CCDC7: variants seen among roughly 807,000 people sequenced by gnomAD.
CCDC7 encodes coiled-coil domain-containing protein 7.
CCDC7 carries 183 observed loss-of-function variants against 196.9 expected under a neutral mutation model. The observed-to-expected ratio is 0.93, with a 90% CI of 0.82 to 1.05. The LOEUF is 1.05. Among genes scored for constraint, CCDC7 ranks in the 50% least tolerant of loss-of-function variants. The pLI, the probability that CCDC7 is intolerant of heterozygous loss-of-function variation, is 0.00. For synonymous variants in CCDC7, 525 were observed against 484.6 expected (o/e 1.08, Z -1.10); for missense variants, 1,540 against 1,482.2 (o/e 1.04, Z -0.64).
intron 30 of CCDC7, among the ~76,000 whole-genome samples, chr10:32,806,234 CAAT>C (rs1319496689): frequency 6.6e-6 from 1 of 151,976 alleles, no homozygotes; most frequent in East Asian, 1.9e-4. Flanking sequence ...AATAAGCAAA[CAAT>C]AATAACATAC....
rs1424541399 is a variant in CCDC7, at chr10:32,685,849, T to C, written c.2123-121T>C. On this transcript the variant is annotated intron_variant, in intron 21 of 41. Coordinates refer to ENST00000639629, the Ensembl canonical transcript of CCDC7. The stretch of plus-strand genomic sequence containing the variant: ...CAAATCTATTATTATTGTAATTTAG[T>C]TATAACTTTGTAGAAGTGACTGAGA... 45 of 591,364 alleles carry C rather than the reference T, an allele frequency of 7.6e-5. No homozygotes were observed. The East Asian group carries it at 1.5e-3, about 19-fold the overall frequency. The allele number at this position is 591,364 out of a possible 1,614,324, so 36.6% of individuals were successfully genotyped here.
intron 24 of CCDC7, among the ~76,000 whole-genome samples, chr10:32,711,362 T>C (rs1381459241): frequency 6.6e-6 from 1 of 152,088 alleles, no homozygotes; most frequent in East Asian, 1.9e-4. Context: ...TAACCTAAAG[T>C]ATAAATAACT....
At chr10:32,700,499 G>T (rs1222851221) in intron 24 of CCDC7, among the ~76,000 whole-genome samples, 1 of 152,098 alleles carries the variant, frequency 6.6e-6, no homozygotes, top group Non-Finnish European at 1.5e-5. Context: ...GATGCCTCCA[G>T]CTTTGTTCTT....
intron 14 of CCDC7, 119 bp downstream of exon 15, chr10:32,565,739 G>A (rs1980248): frequency 0.099 from 107,597 of 1,086,506 alleles, 6,343 homozygotes; most frequent in African/African-American, 0.22. Flanking sequence ...CTACTATTTG[G>A]CTAGGTTTAA....
At chr10:32,463,116 A>C in intron 5 of CCDC7, 67 bp downstream of exon 6, 1 of 1,583,794 alleles carries the variant, frequency 6.3e-7, no homozygotes, top group East Asian at 2.3e-5. Flanking sequence ...AATTTGGATT[A>C]TGTATAAGTT....
chr10:32,660,139 T>C (rs553775920), intron 20 of CCDC7, among the ~76,000 whole-genome samples: 4 of 151,954 alleles, frequency 2.6e-5, no homozygotes, highest in Admixed American at 6.6e-5. Context: ...TTTTTTAATA[T>C]TATACTTTAA....
intron 31 of CCDC7, among the ~76,000 whole-genome samples, chr10:32,817,306 A>G (rs1487274596): frequency 6.6e-6 from 1 of 152,146 alleles, no homozygotes; most frequent in Admixed American, 6.6e-5. Flanking sequence ...AAAAAGAAAC[A>G]AACAAAGCCT....
chr10:32,814,320 G>A (rs768837326), intron 30 of CCDC7, 50 bp from the exon 32 acceptor site: 1 of 1,220,986 alleles, frequency 8.2e-7, no homozygotes, highest in Non-Finnish European at 1.2e-6. Flanking sequence ...TGTCACATTT[G>A]TGTATAAATG....
chr10:32,597,197 A>G (rs900478998), intron 18 of CCDC7, among the ~76,000 whole-genome samples: 1 of 152,132 alleles, frequency 6.6e-6, no homozygotes, highest in Non-Finnish European at 1.5e-5. Flanking sequence ...ACATAGTCCC[A>G]TATTTCTTGG....
chr10:32,754,472 A>T (rs1473898981), intron 28 of CCDC7, among the ~76,000 whole-genome samples: 4 of 152,188 alleles, frequency 2.6e-5, no homozygotes, highest in Non-Finnish European at 4.4e-5. Flanking sequence ...TCCAATCAAA[A>T]TACCAGTGGT....
intron 13 of CCDC7, among the ~76,000 whole-genome samples, chr10:32,561,049 C>CA (rs139578472): frequency 0.92 from 140,394 of 152,080 alleles, 65,796 homozygotes; most frequent in East Asian, 1. Flanking sequence ...GACTTTAAAC[C>CA]ACAAAGATCA....
intron 18 of CCDC7, among the ~76,000 whole-genome samples, chr10:32,597,972 A>C (rs1590349489): frequency 6.6e-6 from 1 of 152,212 alleles, no homozygotes; most frequent in African/African-American, 2.4e-5. Flanking sequence ...TTGAGGAGGC[A>C]GTCTGTCCGT....
intron 13 of CCDC7, among the ~76,000 whole-genome samples, chr10:32,544,932 A>T (rs1430436825): frequency 2.0e-5 from 3 of 152,202 alleles, no homozygotes; most frequent in Non-Finnish European, 2.9e-5. Flanking sequence ...TAAATACAAA[A>T]TTAAGAAAGA....
chr10:32,461,707 GTGTA>G (rs1256495514), intron 3 of CCDC7, among the ~76,000 whole-genome samples: 22 of 27,778 alleles, frequency 7.9e-4, no homozygotes, highest in African/African-American at 2.2e-3. Flanking sequence ...GTGTGTGTGT[GTGTA>G]TATATATATA....
At chr10:32,714,895 C>T (rs2081356909) in intron 25 of CCDC7, among the ~76,000 whole-genome samples, 2 of 152,212 alleles carry the variant, frequency 1.3e-5, no homozygotes, top group South Asian at 4.1e-4. Context: ...GCAGTAGCCC[C>T]AGCCAGGGGC....
chr10:32,732,302 A>T (rs552271236), intron 28 of CCDC7, among the ~76,000 whole-genome samples: 152 of 152,298 alleles, frequency 1.0e-3, no homozygotes, highest in African/African-American at 3.5e-3. Context: ...AATTATAATC[A>T]TTAAGAATAT....
At chr10:32,541,028 T>C (rs191069039) in intron 11 of CCDC7, among the ~76,000 whole-genome samples, 6 of 150,480 alleles carry the variant, frequency 4.0e-5, no homozygotes, top group Admixed American at 3.4e-4. Context: ...ATTTGACCTC[T>C]ACCTAACCCC....
At chr10:32,620,589 C>A (rs746896878) in intron 18 of CCDC7, among the ~76,000 whole-genome samples, 3 of 151,192 alleles carry the variant, frequency 2.0e-5, no homozygotes, top group Non-Finnish European at 4.4e-5. Flanking sequence ...ATGTTTTAAT[C>A]TTCCTACATA....
intron 41 of CCDC7, among the ~76,000 whole-genome samples, chr10:32,865,429 ACAC>A (rs2094168310): frequency 7.3e-6 from 1 of 137,230 alleles, no homozygotes; most frequent in Non-Finnish European, 1.6e-5. Flanking sequence ...ACACACACAC[ACAC>A]GAGAATGGCT....
Sources: allele counts gnomAD v4.1 joint callset (sites outside exome capture counted in the v4.1 genomes callset), GRCh38; gene constraint gnomAD v4.1.1; transcripts MANE v1.5; gene names NCBI Gene and HGNC (gene_info 2026-07-23, HGNC 2026-07-21).